Variants in PRKAA1 observed in about 807,000 individuals in gnomAD.
The protein encoded by PRKAA1 is protein kinase AMP-activated catalytic subunit alpha 1.
In PRKAA1, 23 loss-of-function variants were observed where a neutral mutation model predicts 56.9. The observed-to-expected ratio is 0.40, with a 90% CI of 0.29 to 0.57. The LOEUF (loss-of-function observed/expected upper bound fraction) is 0.57. Ranked by LOEUF, PRKAA1 falls within the 20% of genes least tolerant of loss-of-function variation. The pLI is 0.39. For missense variants in PRKAA1, 413 were observed against 679.7 expected (o/e 0.61, Z 4.36); for synonymous variants, 226 against 227.0 (o/e 1.00, Z 0.04).
Position 40,762,457 on chromosome 5 carries a change from A to C in PRKAA1, c.*321T>G. On this transcript the variant is annotated 3_prime_UTR_variant, in exon 9 of 9. Transcript: ENST00000397128. Reference sequence around the variant, plus strand: ...ATATATAACACGTAATAATATATGAAGGCCTTTATGTAAATTAATATTTCA... The same window carrying C: ...ATATATAACACGTAATAATATATGACGGCCTTTATGTAAATTAATATTTCA... 4.3e-6 allele frequency: 1 copy of C among 233,872 alleles called. No homozygotes were observed. Among genetic ancestry groups the C allele is most frequent in the Middle Eastern group, 1.7e-3 (1 of 578 alleles). The allele number at this position is 233,872 out of a possible 1,614,324, so 14.5% of individuals were successfully genotyped here. A position where few individuals can be genotyped will look rare whatever the true frequency, so the allele number is the denominator to read the frequency against.
chr5:40,783,032 TCA>T (rs1744325452), intron 1 of PRKAA1, among the ~76,000 whole-genome samples: 1 of 152,180 alleles, frequency 6.6e-6, no homozygotes, highest in East Asian at 1.9e-4. Context: ...TATGATCGTA[TCA>T]CAGTGGCAGG....
intron 6 of PRKAA1, among the ~76,000 whole-genome samples, chr5:40,767,068 G>A (rs1231272231): frequency 1.3e-5 from 2 of 151,862 alleles, no homozygotes; most frequent in African/African-American, 2.4e-5. Context: ...ATGGGGCCTC[G>A]CTATGTTACC....
At chr5:40,791,717 G>A (rs1202834698) in intron 1 of PRKAA1, among the ~76,000 whole-genome samples, 4 of 152,164 alleles carry the variant, frequency 2.6e-5, no homozygotes, top group South Asian at 4.1e-4. Flanking sequence ...GCTATAGATC[G>A]TAATTTAAGA....
intron 5 of PRKAA1, among the ~76,000 whole-genome samples, 186 bp from the exon 6 acceptor site, chr5:40,767,876 T>A (rs1415377426): frequency 1.1e-4 from 16 of 149,066 alleles, no homozygotes; most frequent in African/African-American, 3.2e-4. Flanking sequence ...AAGAAGTTTG[T>A]AAATTACACA....
At chr5:40,773,121 A>T (rs1743825699) in intron 3 of PRKAA1, among the ~76,000 whole-genome samples, 1 of 152,180 alleles carries the variant, frequency 6.6e-6, no homozygotes, top group Non-Finnish European at 1.5e-5. Context: ...GCATTCTAAA[A>T]CCAGACTTAC....
intron 8 of PRKAA1, 195 bp downstream of exon 8, chr5:40,764,319 G>A: frequency 1.9e-6 from 1 of 513,558 alleles, no homozygotes; most frequent in Non-Finnish European, 3.3e-6. Context: ...AATCTTAAAA[G>A]GACAATATGC....
intron 2 of PRKAA1, 60 bp downstream of exon 2, chr5:40,777,381 TTAAG>T: frequency 1.3e-6 from 2 of 1,492,278 alleles, no homozygotes; most frequent in Non-Finnish European, 1.8e-6. Context: ...ACTTGTCACA[TTAAG>T]TAGGTTAACA....
At chr5:40,763,225 A>T (rs1561164774) in intron 8 of PRKAA1, among the ~76,000 whole-genome samples, 10 of 152,186 alleles carry the variant, frequency 6.6e-5, no homozygotes, top group Non-Finnish European at 1.2e-4. Context: ...CAAGATAGCT[A>T]ACCAAAGTTG....
chr5:40,789,053 A>G (rs1318149573), intron 1 of PRKAA1, among the ~76,000 whole-genome samples: 5 of 151,874 alleles, frequency 3.3e-5, no homozygotes, highest in African/African-American at 9.7e-5. Flanking sequence ...TCTATAAAAC[A>G]TACATAAATT....
At chr5:40,796,028 C>T (rs1744912292) in intron 1 of PRKAA1, among the ~76,000 whole-genome samples, 1 of 152,214 alleles carries the variant, frequency 6.6e-6, no homozygotes, top group Admixed American at 6.5e-5. Context: ...AATACGAAAA[C>T]AGACCTGGCC....
chr5:40,794,823 A>G (rs1744855480), intron 1 of PRKAA1, among the ~76,000 whole-genome samples: 1 of 111,804 alleles, frequency 8.9e-6, no homozygotes, highest in East Asian at 2.2e-4. Context: ...GATATTCCTT[A>G]AAGAACTAAA....
Position 40,762,779 on chromosome 5 carries a change from T to C in PRKAA1, c.1679A>G (p.Ter560=). ...CANLIKILAQ[*] is the part of the protein sequence containing the mutation. ...AAAGAAATAAGCAAAGTTTTCTGTT[T>C]ATTGTGCAAGAATTTTAATTAGATT... The change falls in exon 9 of 9, where the codon TAA becomes TGA. Residue 560 remains the stop codon, a stop_retained_variant. Coordinates refer to ENST00000397128, the MANE Select transcript of PRKAA1 (RefSeq NM_006251.6). 1 of 1,613,634 alleles carries C rather than the reference T, an allele frequency of 6.2e-7. No homozygotes were observed. Among genetic ancestry groups the C allele is most frequent in the Non-Finnish European group, 8.5e-7 (1 of 1,179,656 alleles).
chr5:40,775,718 A>G (rs947963957), intron 2 of PRKAA1, among the ~76,000 whole-genome samples: 1 of 152,202 alleles, frequency 6.6e-6, no homozygotes, highest in Non-Finnish European at 1.5e-5. Context: ...GGAACATGCT[A>G]TGAAGAAAAA....
chr5:40,797,525 T>C (rs1050005528), intron 1 of PRKAA1, among the ~76,000 whole-genome samples: 3 of 152,178 alleles, frequency 2.0e-5, no homozygotes, highest in African/African-American at 7.2e-5. Flanking sequence ...TGATGTCGGC[T>C]ACCCACAAAG....
intron 1 of PRKAA1, among the ~76,000 whole-genome samples, chr5:40,791,170 A>T (rs766627663): frequency 3.3e-5 from 5 of 152,246 alleles, no homozygotes; most frequent in Non-Finnish European, 7.3e-5. Flanking sequence ...TTGTAGCCAA[A>T]CTAAATGCTG....
rs1271858075 is a variant in PRKAA1 at position 40,762,962 on chromosome 5, T to C, written c.1496A>G (p.Asn499Ser). ...ATPQRSGSVS[N>S]YRSCQRSDSD... ...ATCACTCCTTTGGCAAGATCGATAG[T>C]TGCTAACTGATCCCGATCTCTGTGG... The change falls in exon 9 of 9, where the codon AAC (asparagine) becomes AGC (serine). Residue 499 changes from asparagine (N) to serine (S), a missense_variant. Asn to Ser is a conservative substitution (Grantham distance 46, BLOSUM62 1). This residue lies in a region of PRKAA1 where 139 missense variants were observed against 171.5 expected (regional missense o/e 0.81). Coordinates refer to ENST00000397128, the MANE Select transcript of PRKAA1 (RefSeq NM_006251.6). 6.2e-7 allele frequency: 1 copy of C among 1,614,038 alleles called. No homozygotes were observed. The highest frequency in any genetic ancestry group is 8.5e-7 in the Non-Finnish European group (1 of 1,179,988).
chr5:40,776,156 A>G (rs1195083944), intron 2 of PRKAA1, among the ~76,000 whole-genome samples: 2 of 152,268 alleles, frequency 1.3e-5, no homozygotes, highest in East Asian at 3.8e-4. Context: ...TTCATGAGAC[A>G]GATGGTGGCT....
At chr5:40,769,013 T>C (rs887011801) in intron 5 of PRKAA1, 6 of 1,059,122 alleles carry the variant, frequency 5.7e-6, no homozygotes, top group Non-Finnish European at 6.9e-6. Context: ...CCAAGACATT[T>C]TATCATGAAA....
chr5:40,770,974 A>G (rs1743719237), intron 4 of PRKAA1, among the ~76,000 whole-genome samples: 1 of 152,062 alleles, frequency 6.6e-6, no homozygotes, highest in South Asian at 2.1e-4. Context: ...AAATTTTTAA[A>G]TAAATTTTTT....
Sources: allele counts gnomAD v4.1 joint callset (sites outside exome capture counted in the v4.1 genomes callset), GRCh38; gene constraint gnomAD v4.1.1; regional missense constraint gnomAD v4.1.1; transcripts MANE v1.5; gene names NCBI Gene and HGNC (gene_info 2026-07-23, HGNC 2026-07-21).